KLHDC4: variants seen among roughly 807,000 people sequenced by gnomAD.
KLHDC4 encodes the protein kelch domain containing 4, also known as kelch domain-containing protein 4.
Under a neutral mutation model 62.4 loss-of-function variants are expected in KLHDC4, and 90 were observed. The ratio of observed to expected loss-of-function variants is 1.44; its 90% CI spans 1.22 to 1.72. The LOEUF is 1.72. Among genes scored for constraint, KLHDC4 ranks in the 40% most tolerant of loss-of-function variants. The pLI is 0.00. For missense variants in KLHDC4, 1,025 were observed against 699.7 expected (o/e 1.47, Z -5.25); for synonymous variants, 386 against 284.4 (o/e 1.36, Z -3.59).
chr16:87,703,656 G>T (rs1451272922), downstream of KLHDC4, among the ~76,000 whole-genome samples: 1 of 152,230 alleles, frequency 6.6e-6, no homozygotes, highest in Non-Finnish European at 1.5e-5. Context: ...CCCCTGGGTG[G>T]GCTGCAGCCA....
chr16:87,709,563 C>G lies in KLHDC4; in HGVS notation c.1149G>C (p.Gln383His), dbSNP rs764239219. Residue 383 changes from glutamine (Q) to histidine (H), a missense_variant, in exon 10 of 12, where the codon CAG (glutamine) becomes CAC (histidine). By Grantham distance (24) the Gln-to-His change is conservative (BLOSUM62 0). Coordinates refer to ENST00000270583, the MANE Select transcript of KLHDC4 (RefSeq NM_017566.4). Reference protein sequence around the residue: ...CGGAGTQGPVQLVKEVVAEDG... With the variant: ...CGGAGTQGPVHLVKEVVAEDG... ...CCTCGGCCACCACCTCCTTGACCAG[C>G]TGCACAGGCCCCTGGGTGCCAGCTC... The G allele has an allele frequency of 1.2e-6, 2 of 1,612,992 alleles. No individual in the cohort carries two copies. Among genetic ancestry groups the G allele is most frequent in the African/African-American group, 2.7e-5 (2 of 74,944 alleles).
At chr16:87,748,391 G>T (rs976387066) in intron 5 of KLHDC4, among the ~76,000 whole-genome samples, 6 of 152,206 alleles carry the variant, frequency 3.9e-5, no homozygotes, top group African/African-American at 1.4e-4. Flanking sequence ...AAGACCACAG[G>T]AGAAGAGCTG....
chr16:87,755,190 T>C lies in KLHDC4; in HGVS notation c.369+4A>G, dbSNP rs760109570. The C allele has an allele frequency of 8.8e-6, 14 of 1,596,652 alleles. No homozygotes were observed. Among genetic ancestry groups the C allele is most frequent in the South Asian group, 7.7e-5 (7 of 90,704 alleles). The stretch of plus-strand genomic sequence containing the variant: ...GGGTGGCTGAGAGTCAGTGCTGACA[T>C]TACCTGGTGAGCACAGCGCCTCGGA... On this transcript the variant is annotated splice_donor_region_variant and intron_variant, in intron 4 of 11. Coordinates refer to ENST00000270583, the MANE Select transcript of KLHDC4 (RefSeq NM_017566.4).
rs758807190 is a variant in KLHDC4, at chr16:87,708,069, G to A, written c.*8C>T. On this transcript the variant is annotated 3_prime_UTR_variant, in exon 12 of 12. Coordinates refer to ENST00000270583, the MANE Select transcript of KLHDC4 (RefSeq NM_017566.4). The stretch of plus-strand genomic sequence containing the variant: ...GCACTTGCCAGGCGCCCCTGGCAGG[G>A]GCTCTTCTGATACGCAAGGAGGAAG... 2 of 569,748 alleles carry A rather than the reference G, an allele frequency of 3.5e-6. No individual in the cohort carries two copies. Among genetic ancestry groups the A allele is most frequent in the South Asian group, 1.5e-5 (1 of 65,462 alleles). 35.3% of individuals were successfully genotyped at this position (569,748 alleles called of 1,614,324 possible). A position where few individuals can be genotyped will look rare whatever the true frequency, so the allele number is the denominator to read the frequency against.
At chr16:87,736,335 G>A (rs934005942) in intron 5 of KLHDC4, among the ~76,000 whole-genome samples, 2 of 152,192 alleles carry the variant, frequency 1.3e-5, no homozygotes, top group Non-Finnish European at 2.9e-5. Flanking sequence ...AGTATGTATG[G>A]TCCGTCGTGA....
chr16:87,734,356 A>C (rs75863702), intron 5 of KLHDC4, among the ~76,000 whole-genome samples: 1 of 152,116 alleles, frequency 6.6e-6, no homozygotes, highest in South Asian at 2.1e-4. Flanking sequence ...GAAAAAAAAA[A>C]CACAAGACAT....
chr16:87,732,569 C>G (rs2040574056), intron 5 of KLHDC4, among the ~76,000 whole-genome samples: 1 of 152,132 alleles, frequency 6.6e-6, no homozygotes, highest in Non-Finnish European at 1.5e-5. Context: ...CAATCACACA[C>G]AAATAACACA....
chr16:87,725,242 C>T (rs1597510110), intron 7 of KLHDC4, among the ~76,000 whole-genome samples: 3 of 152,238 alleles, frequency 2.0e-5, no homozygotes, highest in East Asian at 1.9e-4. Flanking sequence ...ACACGGTGCC[C>T]GCACTTGTAA....
intron 4 of KLHDC4, among the ~76,000 whole-genome samples, chr16:87,753,537 C>A (rs544174211): frequency 6.6e-6 from 1 of 152,000 alleles, no homozygotes. Flanking sequence ...CAGTGGCTCA[C>A]GCCTGTAATC....
intron 5 of KLHDC4, among the ~76,000 whole-genome samples, chr16:87,746,578 G>A (rs918999228): frequency 2.0e-5 from 3 of 152,138 alleles, no homozygotes; most frequent in South Asian, 2.1e-4. Context: ...AATGCTCCGC[G>A]AGGTATCTCT....
intron 3 of KLHDC4, chr16:87,755,733 T>G (rs1252542161): frequency 5.5e-6 from 1 of 180,428 alleles, no homozygotes; most frequent in Admixed American, 5.5e-5. Context: ...CCCCGCTAAT[T>G]TTTGTATCGT....
In KLHDC4 at chr16:87,765,928, G is replaced by A. The variant is rs755296491; in HGVS notation, c.-38C>T. On this transcript the variant is annotated 5_prime_UTR_variant, in exon 1 of 12. Coordinates refer to ENST00000270583, the MANE Select transcript of KLHDC4 (RefSeq NM_017566.4). ...CAAGCCGCGACGGGACACCAGGAAA[G>A]AAAACGGCCCGCGCTCTCCGCTCGG... The A allele has an allele frequency of 1.6e-5, 24 of 1,536,052 alleles. No homozygotes were observed. Among genetic ancestry groups the A allele is most frequent in the Admixed American group, 5.9e-5 (3 of 50,846 alleles).
Position 87,726,868 on chromosome 16 carries a change from C to T in KLHDC4, c.656G>A (p.Ser219Asn). The stretch of plus-strand genomic sequence containing the variant: ...CCCCGTCCCTGACGGGGACAGCTTG[C>T]TCCATGTGAAGGTGTCCAGATTAAA... The part of the protein sequence containing the change: ...YAFNLDTFTW[S>N]KLSPSGTGPT... Residue 219 changes from serine (S) to asparagine (N), a missense_variant, in exon 7 of 12, where the codon AGC (serine) becomes AAC (asparagine). Coordinates refer to ENST00000270583, the MANE Select transcript of KLHDC4 (RefSeq NM_017566.4). 6.2e-7 allele frequency: 1 copy of T among 1,613,766 alleles called. No individual in the cohort carries two copies.
chr16:87,748,155 G>GC (rs1208209010), intron 5 of KLHDC4, among the ~76,000 whole-genome samples: 3 of 152,204 alleles, frequency 2.0e-5, no homozygotes, highest in African/African-American at 7.2e-5. Flanking sequence ...TGGTAAACAT[G>GC]CATCAGAAAC....
chr16:87,713,409 G>T lies in KLHDC4; in HGVS notation c.835+1089C>A, dbSNP rs768045633. ...GATGGTGTGTCACTATGTTGCCCAG[G>T]CTGGTTTCAAACTCTTGGCCTCAAG... On this transcript the variant is annotated intron_variant, in intron 8 of 11. Coordinates refer to ENST00000270583, the MANE Select transcript of KLHDC4 (RefSeq NM_017566.4). Among the ~76,000 whole-genome samples the T allele has an allele frequency of 7.5e-4, 114 of 151,964 alleles. 2 individuals are homozygous for T. The highest frequency in any genetic ancestry group is 6.9e-4 in the Non-Finnish European group (47 of 67,982).
At chr16:87,749,126 C>A (rs896282029) in intron 4 of KLHDC4, among the ~76,000 whole-genome samples, 5 of 151,806 alleles carry the variant, frequency 3.3e-5, no homozygotes, top group African/African-American at 1.2e-4. Flanking sequence ...ACATTAACAA[C>A]GGTGTGGTGC....
At chr16:87,748,590 G>A in intron 5 of KLHDC4, 83 bp downstream of exon 5, 1 of 1,548,152 alleles carries the variant, frequency 6.5e-7, no homozygotes, top group South Asian at 1.2e-5. Flanking sequence ...CTGGTATTCT[G>A]AGGTCTGCTC....
At chr16:87,729,606 T>C (rs1386200328) in intron 6 of KLHDC4, among the ~76,000 whole-genome samples, 1 of 152,224 alleles carries the variant, frequency 6.6e-6, no homozygotes, top group Non-Finnish European at 1.5e-5. Flanking sequence ...CGTGAGCAGA[T>C]AACAGGCCTA....
Position 87,700,466 on chromosome 16 carries a change from G to A in KLHDC4, c.*1173C>T, listed in dbSNP as rs546305318. 102 of 163,710 alleles carry A rather than the reference G, an allele frequency of 6.2e-4. No individual in the cohort carries two copies. The South Asian group carries it at 7.3e-3, about 12-fold the overall frequency. The allele number at this position is 163,710 out of a possible 1,614,324, so 10.1% of individuals were successfully genotyped here. A position where few individuals can be genotyped will look rare whatever the true frequency, so the allele number is the denominator to read the frequency against. ...ACCCCGATTCCAGATAAGGCGGAGG[G>A]AGGAGGGCAGGGGGTAGAGGGAGGA... On this transcript the variant is annotated 3_prime_UTR_variant, in exon 1 of 1. Transcript: ENST00000446344.
Sources: allele counts gnomAD v4.1 joint callset (sites outside exome capture counted in the v4.1 genomes callset), GRCh38; gene constraint gnomAD v4.1.1; transcripts MANE v1.5; gene names NCBI Gene and HGNC (gene_info 2026-07-23, HGNC 2026-07-21).